RHOU: variants seen among roughly 807,000 people sequenced by gnomAD.
The protein encoded by RHOU is rho-related GTP-binding protein RhoU.
Under a neutral mutation model 12.6 loss-of-function variants are expected in RHOU, and 8 were observed. The observed-to-expected ratio is 0.64, with a 90% confidence interval of 0.37 to 1.15. RHOU has a LOEUF of 1.15. RHOU is among the 50% of genes most tolerant of loss of function. RHOU has a pLI of 0.01. For synonymous variants in RHOU, 161 were observed against 147.4 expected (o/e 1.09, Z -0.67); for missense variants, 258 against 347.0 (o/e 0.74, Z 2.04).
the RHOU span, among the ~76,000 whole-genome samples, chr1:228,667,210 G>A: frequency 6.6e-6 from 1 of 152,192 alleles, no homozygotes; most frequent in Admixed American, 6.5e-5. Context: ...CTGCTCCAGT[G>A]CTGGGATTCA....
the RHOU span, among the ~76,000 whole-genome samples, chr1:228,647,556 C>T: frequency 6.6e-6 from 1 of 152,288 alleles, no homozygotes; most frequent in East Asian, 1.9e-4. Context: ...CTGTGGTACC[C>T]GCTGCCCCTG....
At chr1:228,650,028 G>A in the RHOU span, 1 of 369,430 alleles carries the variant, frequency 2.7e-6, no homozygotes, top group African/African-American at 2.2e-5. Context: ...CTAAGTTTTT[G>A]TTATCCACAG....
At chr1:228,693,753 A>G in the RHOU span, among the ~76,000 whole-genome samples, 1 of 152,204 alleles carries the variant, frequency 6.6e-6, no homozygotes, top group Non-Finnish European at 1.5e-5. Context: ...GGCATGAGCC[A>G]CCGCTCCCGG....
At position 228,743,630 on chromosome 1, in the gene RHOU, A is replaced by G. The variant is rs892902336; in HGVS notation, c.667A>G (p.Ile223Val). 1 of 1,614,116 alleles carries G rather than the reference A, an allele frequency of 6.2e-7. No individual in the cohort carries two copies. The highest frequency in any genetic ancestry group is 1.7e-5 in the Admixed American group (1 of 60,016). The change falls in exon 3 of 3, where the codon ATT becomes GTT. Residue 223 changes from isoleucine (I) to valine (V), a missense_variant. Transcript: ENST00000366691. This position sits in a 1 kb window ranked among gnomAD's most constrained non-coding sequence, Gnocchi z 5.1. The part of the protein sequence containing the change: ...EVFDAAIVAG[I>V]QYSDTQQQPK... ...CTTTGATGCAGCCATCGTCGCTGGC[A>G]TTCAATACTCGGACACTCAGCAACA...
At chr1:228,682,909 T>C in the RHOU span, among the ~76,000 whole-genome samples, 1 of 151,776 alleles carries the variant, frequency 6.6e-6, no homozygotes, top group Admixed American at 6.6e-5. Context: ...GTCAGAGCAA[T>C]GGAGATGTGG....
the RHOU span, among the ~76,000 whole-genome samples, chr1:228,720,479 G>T: frequency 6.6e-6 from 1 of 152,110 alleles, no homozygotes; most frequent in Non-Finnish European, 1.5e-5. Context: ...TTTTAAAGAG[G>T]CAGTTAAAAT....
the RHOU span, among the ~76,000 whole-genome samples, chr1:228,729,214 T>G: frequency 6.6e-6 from 1 of 152,152 alleles, no homozygotes; most frequent in East Asian, 1.9e-4. Context: ...CATTTCTAAA[T>G]TTTATATAAA....
chr1:228,693,079 T>C, the RHOU span, among the ~76,000 whole-genome samples: 1 of 152,184 alleles, frequency 6.6e-6, no homozygotes, highest in Non-Finnish European at 1.5e-5. Flanking sequence ...TTTAACAAGA[T>C]AAACAAGTAT....
the RHOU span, among the ~76,000 whole-genome samples, chr1:228,663,715 C>A: frequency 6.9e-6 from 1 of 145,236 alleles, no homozygotes; most frequent in East Asian, 2.1e-4. Context: ...TCACTGCAAC[C>A]TCCGCCTCCC....
the RHOU span, among the ~76,000 whole-genome samples, chr1:228,672,331 T>A: frequency 6.6e-6 from 1 of 152,110 alleles, no homozygotes; most frequent in Non-Finnish European, 1.5e-5. Flanking sequence ...ACAGCTGATT[T>A]TTTGTATTTT....
the RHOU span, among the ~76,000 whole-genome samples, chr1:228,709,125 T>G: frequency 2.0e-5 from 3 of 152,058 alleles, no homozygotes; most frequent in Non-Finnish European, 4.4e-5. Context: ...TAAATATATA[T>G]GCACCCAATA....
At chr1:228,678,932 C>T in the RHOU span, among the ~76,000 whole-genome samples, 1 of 152,122 alleles carries the variant, frequency 6.6e-6, no homozygotes, top group South Asian at 2.1e-4. Flanking sequence ...GTTATTTGGA[C>T]AGAAAGGCTA....
At chr1:228,701,054 A>C in the RHOU span, among the ~76,000 whole-genome samples, 1 of 152,162 alleles carries the variant, frequency 6.6e-6, no homozygotes, top group Non-Finnish European at 1.5e-5. Flanking sequence ...GTGCCACTGC[A>C]CTCTAGCCTG....
At chr1:228,720,994 C>T in the RHOU span, among the ~76,000 whole-genome samples, 1 of 152,188 alleles carries the variant, frequency 6.6e-6, no homozygotes. Flanking sequence ...CTCTGAACTC[C>T]CACTGTTGGC....
chr1:228,741,274 G>A (rs1662716690), intron 2 of RHOU, among the ~76,000 whole-genome samples: 1 of 152,118 alleles, frequency 6.6e-6, no homozygotes, highest in Non-Finnish European at 1.5e-5. Flanking sequence ...TGTCCTCATT[G>A]CACGTGTGTA....
In RHOU at chr1:228,744,116, C is replaced by T. The variant is rs1440362717; in HGVS notation, c.*376C>T. On this transcript the variant is annotated 3_prime_UTR_variant, in exon 3 of 3. Transcript: ENST00000366691. ...AAAAGGGAGGAACACTATGGTTAAC[C>T]CTCTCTTGATTAAGGGCTACTTAAT... 3 of 193,926 alleles carry T rather than the reference C, an allele frequency of 1.5e-5. No homozygotes were observed. The highest frequency in any genetic ancestry group is 1.0e-4 in the South Asian group (1 of 9,740). 12.0% of individuals were successfully genotyped at this position (193,926 alleles called of 1,614,324 possible). A position where few individuals can be genotyped will look rare whatever the true frequency, so the allele number is the denominator to read the frequency against.
upstream of RHOU, among the ~76,000 whole-genome samples, chr1:228,733,845 G>T (rs1438741523): frequency 1.3e-5 from 2 of 152,206 alleles, no homozygotes; most frequent in African/African-American, 4.8e-5. Context: ...AATATATCCT[G>T]TCATCACAGC....
chr1:228,687,755 A>G, the RHOU span: 1 of 1,407,860 alleles, frequency 7.1e-7, no homozygotes, highest in Non-Finnish European at 9.9e-7. Context: ...GCAAGATGGG[A>G]GCGCCCGAAT....
chr1:228,670,780 GAT>G, the RHOU span, among the ~76,000 whole-genome samples: 2 of 152,176 alleles, frequency 1.3e-5, no homozygotes, highest in East Asian at 3.9e-4. Context: ...CCGTTCTCAT[GAT>G]AGTGAGTGAG....
Sources: gnomAD v4.1 joint callset for allele counts (sites outside exome capture counted in the v4.1 genomes callset) on GRCh38, gnomAD v4.1.1 for gene constraint, Gnocchi (gnomAD v3.1) non-coding constraint, MANE v1.5 for transcripts, NCBI Gene and HGNC (gene_info 2026-07-23, HGNC 2026-07-21) for gene names.